Variants in RECK observed in about 807,000 individuals in gnomAD.
RECK encodes reversion-inducing cysteine-rich protein with Kazal motifs.
A neutral mutation model predicts 115.1 loss-of-function variants in RECK; 69 were observed. The observed-to-expected ratio is 0.60, with a 90% CI of 0.49 to 0.73. The LOEUF (loss-of-function observed/expected upper bound fraction) is 0.73. Among genes scored for constraint, RECK ranks in the 30% least tolerant of loss-of-function variants. The pLI, the probability that RECK is intolerant of heterozygous loss-of-function variation, is 0.00. For synonymous variants in RECK, 414 were observed against 419.7 expected (o/e 0.99, Z 0.17); for missense variants, 1,047 against 1,203.7 (o/e 0.87, Z 1.93).
chr9:36,089,019 C>T (rs1446678406), intron 9 of RECK, among the ~76,000 whole-genome samples: 1 of 151,938 alleles, frequency 6.6e-6, no homozygotes, highest in African/African-American at 2.4e-5. Context: ...AAGACTCCGT[C>T]TCAAAATAAA....
At chr9:36,108,958 AGTTC>A (rs1823926956) in intron 14 of RECK, among the ~76,000 whole-genome samples, 1 of 151,998 alleles carries the variant, frequency 6.6e-6, no homozygotes, top group Non-Finnish European at 1.5e-5. Flanking sequence ...CAACCATAGT[AGTTC>A]AGCTTTTATA....
chr9:36,063,067 G>A (rs936110351), intron 4 of RECK, among the ~76,000 whole-genome samples: 14 of 151,930 alleles, frequency 9.2e-5, no homozygotes, highest in Admixed American at 7.2e-4. Context: ...CCTGGGAGGC[G>A]GAGGTTGCAG....
Position 36,054,688 on chromosome 9 carries a change from A to G in RECK, c.159+2365A>G, listed in dbSNP as rs192777819. On this transcript the variant is annotated intron_variant, in intron 2 of 20. Transcript: ENST00000377966. Reference sequence around the variant, plus strand: ...GCAAGGGAGCTAAAAGTCACACTGCAGGCATTAAAAATTTTTTAATAAAAA... The same window carrying G: ...GCAAGGGAGCTAAAAGTCACACTGCGGGCATTAAAAATTTTTTAATAAAAA... Among the ~76,000 whole-genome samples, 278 of 152,242 alleles carry G rather than the reference A, an allele frequency of 1.8e-3. 2 individuals are homozygous for G. The highest frequency in any genetic ancestry group is 6.4e-3 in the African/African-American group (264 of 41,552).
At chr9:36,078,677 A>G (rs939697828) in intron 6 of RECK, among the ~76,000 whole-genome samples, 1 of 152,176 alleles carries the variant, frequency 6.6e-6, no homozygotes, top group African/African-American at 2.4e-5. Flanking sequence ...ATCAAATACT[A>G]GAAAATCAGG....
At chr9:36,049,497 T>C (rs1476046484) in intron 1 of RECK, among the ~76,000 whole-genome samples, 1 of 150,072 alleles carries the variant, frequency 6.7e-6, no homozygotes, top group Non-Finnish European at 1.5e-5. Context: ...CTAACACTAA[T>C]GCAAAAAAAA....
chr9:36,109,203 A>C (rs1823937107), intron 14 of RECK, among the ~76,000 whole-genome samples: 1 of 152,188 alleles, frequency 6.6e-6, no homozygotes, highest in Non-Finnish European at 1.5e-5. Context: ...ACAAAAGAGC[A>C]TACTAGTGCC....
At chr9:36,113,581 C>A (rs948511780) in intron 16 of RECK, among the ~76,000 whole-genome samples, 1 of 152,028 alleles carries the variant, frequency 6.6e-6, no homozygotes, top group Non-Finnish European at 1.5e-5. Context: ...TATAATAAAA[C>A]AATAAAAATA....
At chr9:36,104,326 A>AT (rs869033299) in intron 12 of RECK, among the ~76,000 whole-genome samples, 5 of 27,518 alleles carry the variant, frequency 1.8e-4, no homozygotes, top group Non-Finnish European at 2.3e-4. Flanking sequence ...ATATATATAT[A>AT]TTTTTTTTTT....
At position 36,108,031 on chromosome 9, in the gene RECK, G is replaced by C; in HGVS notation, c.1632G>C (p.Gln544His). ...TTGTCCGTCAAGGGACACTAATCCA[G>C]GTGCCATCATCTGCAGGGGAAGTTG... ...DFIVRQGTLI[Q>H]VPSSAGEVGC... The change falls in exon 14 of 21, where the codon CAG (glutamine) becomes CAC (histidine). Residue 544 changes from glutamine (Q) to histidine (H), a missense_variant. Gln to His is a conservative substitution (Grantham distance 24). Transcript: ENST00000377966. 6.2e-7 allele frequency: 1 copy of C among 1,614,054 alleles called. No individual in the cohort carries two copies. The highest frequency in any genetic ancestry group is 1.1e-5 in the South Asian group (1 of 91,054).
In RECK at chr9:36,060,025, A is replaced by C. The variant is rs59900895; in HGVS notation, c.235-94A>C. On this transcript the variant is annotated intron_variant, in intron 3 of 20. Transcript: ENST00000377966. ...CATTGACTGTGTAGACATAGCCATA[A>C]TCAAATTAGCTGTTCATAATTTCTG... The C allele has an allele frequency of 4.5e-4, 527 of 1,163,870 alleles. 2 individuals are homozygous for C. The African/African-American group carries it at 7.1e-3, about 16-fold the overall frequency. 72.1% of individuals were successfully genotyped at this position (1,163,870 alleles called of 1,614,324 possible). A position where few individuals can be genotyped will look rare whatever the true frequency, so the allele number is the denominator to read the frequency against.
At position 36,105,233 on chromosome 9, in the gene RECK, G is replaced by A. The variant is rs750000887; in HGVS notation, c.1526G>A (p.Arg509Gln). 16 of 1,614,036 alleles carry A rather than the reference G, an allele frequency of 9.9e-6. No individual in the cohort carries two copies. The highest frequency in any genetic ancestry group is 3.3e-5 in the South Asian group (3 of 91,076). Residue 509 changes from arginine (R) to glutamine (Q), a missense_variant, in exon 13 of 21, where the codon CGA becomes CAA. Arg to Gln is a conservative substitution (Grantham distance 43, BLOSUM62 1). Coordinates refer to ENST00000377966, the MANE Select transcript of RECK (RefSeq NM_021111.3). ...GCCAATGAGCTCTGTGAAGTAAACC[G>A]AAAAGGATGTCCATCTGGAGATCCC... ...CPANELCEVN[R>Q]KGCPSGDPCL...
chr9:36,107,871 ATAGTGATT>A lies in RECK; in HGVS notation c.1577-100_1577-93del, dbSNP rs552159652. On this transcript the variant is annotated intron_variant, in intron 13 of 20. Transcript: ENST00000377966. ...TGAAAGTTCTATTACATAATCTTTAATAGTGATTTAGTACCTATAAGACTTTTATCAAG... is the reference window on the plus strand; with the variant it reads ...TGAAAGTTCTATTACATAATCTTTAATAGTACCTATAAGACTTTTATCAAG... The A allele has an allele frequency of 7.7e-4, 579 of 755,058 alleles. 2 individuals carry two copies. The African/African-American group carries it at 9.1e-3, about 12-fold the overall frequency. 46.8% of individuals were successfully genotyped at this position (755,058 alleles called of 1,614,324 possible).
chr9:36,095,140 A>G (rs191639954), intron 10 of RECK, among the ~76,000 whole-genome samples: 135 of 152,272 alleles, frequency 8.9e-4, no homozygotes, highest in African/African-American at 2.3e-3. Context: ...AGGTTGCAGT[A>G]AGCCAAGATT....
At chr9:36,082,493 C>G (rs1822762606) in intron 7 of RECK, among the ~76,000 whole-genome samples, 2 of 152,066 alleles carry the variant, frequency 1.3e-5, no homozygotes, top group African/African-American at 4.8e-5. Flanking sequence ...CCTCCCATAC[C>G]TCTACCTCTC....
chr9:36,118,183 G>C (rs189979712), intron 17 of RECK, among the ~76,000 whole-genome samples: 154 of 152,246 alleles, frequency 1.0e-3, no homozygotes, highest in African/African-American at 1.5e-3. Context: ...AAACATGCTT[G>C]TTTTCTCTCA....
intron 1 of RECK, among the ~76,000 whole-genome samples, chr9:36,042,121 G>A (rs1169449789): frequency 6.6e-6 from 1 of 151,086 alleles, no homozygotes; most frequent in Non-Finnish European, 1.5e-5. Context: ...ACATGAATAA[G>A]TTCTTTAGTG....
chr9:36,080,661 G>A, intron 7 of RECK, 23 bp downstream of exon 7: 2 of 1,604,332 alleles, frequency 1.2e-6, no homozygotes, highest in South Asian at 1.1e-5. Context: ...GTCAATGGTT[G>A]TACAAACAGT....
rs367914906 is a variant in RECK, at chr9:36,120,771, T to C, written c.2538+35T>C. 3.1e-5 allele frequency: 41 copies of C among 1,317,464 alleles called. No individual in the cohort carries two copies. The Middle Eastern group carries it at 9.5e-4, about 30-fold the overall frequency. 81.6% of individuals were successfully genotyped at this position (1,317,464 alleles called of 1,614,324 possible). A position where few individuals can be genotyped will look rare whatever the true frequency, so the allele number is the denominator to read the frequency against. ...TTTATATTCAGATGCTATTGAAATC[T>C]TATTGCTAAGCCTCTCAGTAATCCT... On this transcript the variant is annotated intron_variant, in intron 19 of 20. Coordinates refer to ENST00000377966, the MANE Select transcript of RECK (RefSeq NM_021111.3).
chr9:36,116,049 T>C (rs563508628), intron 16 of RECK, among the ~76,000 whole-genome samples: 2 of 151,994 alleles, frequency 1.3e-5, no homozygotes, highest in African/African-American at 4.8e-5. Context: ...CTCTCAGTCA[T>C]TTGCAACCAG....
Sources: allele counts gnomAD v4.1 joint callset (sites outside exome capture counted in the v4.1 genomes callset), GRCh38; gene constraint gnomAD v4.1.1; transcripts MANE v1.5; gene names NCBI Gene and HGNC (gene_info 2026-07-23, HGNC 2026-07-21).